FAT2: variants seen among roughly 807,000 people sequenced by gnomAD.
FAT2 encodes FAT atypical cadherin 2.
Under a neutral mutation model 295.3 loss-of-function variants are expected in FAT2, and 150 were observed. The ratio of observed to expected loss-of-function variants is 0.51; its 90% CI spans 0.44 to 0.58. The LOEUF (loss-of-function observed/expected upper bound fraction) is 0.58. Among genes scored for constraint, FAT2 ranks in the 20% least tolerant of loss-of-function variants. The probability of loss-of-function intolerance (pLI) is 0.00; values close to 1 mark genes in which losing one functional copy is unlikely to be tolerated. For missense variants in FAT2, 4,868 were observed against 5,442.7 expected (o/e 0.89, Z 3.32); for synonymous variants, 2,026 against 2,150.3 (o/e 0.94, Z 1.60).
chr5:151,551,464 A>G lies in FAT2; in HGVS notation c.4296+3T>C, dbSNP rs1757207800. On this transcript the variant is annotated splice_donor_region_variant and intron_variant, in intron 7 of 23. Transcript: ENST00000261800. ...ACAGGGGTCCCCAGCCGAGGCCTCT[A>G]ACCTGTGTGGCAATGGTGCGGGACC... 6.2e-7 allele frequency: 1 copy of G among 1,613,960 alleles called. No individual in the cohort carries two copies. The highest frequency in any genetic ancestry group is 8.5e-7 in the Non-Finnish European group (1 of 1,179,970).
At chr5:151,554,212 C>A (rs939127486) in intron 5 of FAT2, 150 bp downstream of exon 5, 1 of 713,726 alleles carries the variant, frequency 1.4e-6, no homozygotes, top group Non-Finnish European at 2.3e-6. Flanking sequence ...TTGGCTGAAG[C>A]TGAGACTCCC....
chr5:151,568,971 CAG>C lies in FAT2; in HGVS notation c.-20-22_-20-21del. The C allele has an allele frequency of 6.4e-7, 1 of 1,552,236 alleles. No individual in the cohort carries two copies. The stretch of plus-strand genomic sequence containing the variant: ...GAAACCCTGGGCAGAAAATAAAAGA[CAG>C]GGTGCAAGTTAGGGGGAAAAAATGG... On this transcript the variant is annotated intron_variant, in intron 1 of 23. Transcript: ENST00000261800.
At chr5:151,575,756 C>A (rs1758722031) in intron 1 of FAT2, among the ~76,000 whole-genome samples, 1 of 152,134 alleles carries the variant, frequency 6.6e-6, no homozygotes, top group Non-Finnish European at 1.5e-5. Context: ...TCCCAGAGGC[C>A]TGGAGTAGCT....
rs1232545836 is a variant in FAT2 at position 151,554,123 on chromosome 5, CCTT to C, written c.3945+236_3945+238del. On this transcript the variant is annotated intron_variant, in intron 5 of 23. Coordinates refer to ENST00000261800, the MANE Select transcript of FAT2 (RefSeq NM_001447.3). ...AAAGCCCCTGTTACTCTCACTAAAT[CCTT>C]CTCTCTAAGAATAGAGGGGATTTCC... is the stretch of plus-strand genomic sequence containing the variant. 9.2e-5 allele frequency among the ~76,000 whole-genome samples: 14 copies of C among 152,322 alleles called. No homozygotes were observed. In the East Asian group the frequency reaches 2.5e-3, roughly 27 times the overall value.
At chr5:151,558,610 A>G (rs902847407) in intron 3 of FAT2, among the ~76,000 whole-genome samples, 1 of 143,100 alleles carries the variant, frequency 7.0e-6, no homozygotes, top group Non-Finnish European at 1.5e-5. Context: ...AGACTCCTTT[A>G]AAAAAAAAAA....
At chr5:151,517,855 C>A in intron 19 of FAT2, 90 bp from the exon 20 acceptor site, 1 of 1,466,430 alleles carries the variant, frequency 6.8e-7, no homozygotes, top group Non-Finnish European at 9.4e-7. Context: ...CCTTGGGTGG[C>A]AGACAGAATC....
intron 1 of FAT2, among the ~76,000 whole-genome samples, chr5:151,590,167 T>A (rs1759342654): frequency 6.6e-6 from 1 of 152,202 alleles, no homozygotes; most frequent in South Asian, 2.1e-4. Flanking sequence ...TAACTCTTAG[T>A]AGCAAGGCAT....
Position 151,540,547 on chromosome 5 carries a change from A to G in FAT2, c.9039+20T>C, listed in dbSNP as rs2288777. On this transcript the variant is annotated intron_variant, in intron 11 of 23. Transcript: ENST00000261800. ...CTTCCTTGCCTTCACTACCCACTCC[A>G]CCCCTCGCCAGGCTCTCACCTGTGA... The G allele has an allele frequency of 0.077, 122,079 of 1,590,006 alleles. 5,236 individuals carry two copies. Among genetic ancestry groups the G allele is most frequent in the African/African-American group, 0.16 (11,842 of 73,194 alleles).
At chr5:151,508,843 G>C (rs1761096575) in intron 22 of FAT2, among the ~76,000 whole-genome samples, 1 of 152,124 alleles carries the variant, frequency 6.6e-6, no homozygotes, top group Non-Finnish European at 1.5e-5. Flanking sequence ...TTATACACAG[G>C]CTAATAGCAA....
chr5:151,571,309 C>A (rs10060662), intron 1 of FAT2, among the ~76,000 whole-genome samples: 17 of 151,746 alleles, frequency 1.1e-4, no homozygotes, highest in Admixed American at 9.2e-4. Context: ...AGTTGAAACC[C>A]CAAGGGAAAG....
chr5:151,539,801 C>T (rs1755914054), intron 11 of FAT2, among the ~76,000 whole-genome samples: 1 of 152,232 alleles, frequency 6.6e-6, no homozygotes, highest in Non-Finnish European at 1.5e-5. Flanking sequence ...GACAAACACA[C>T]ATACACACCC....
Position 151,542,793 on chromosome 5 carries a change from C to T in FAT2, c.8334G>A (p.Val2778=). ...MAHCLQNTDV[V]SLVSVNIQVG... ...CTTGGATGTTGACAGAGACCAAGGA[C>T]ACCACATCAGTGTTCTGAAGGCAAT... Residue 2778 remains valine (V), a synonymous_variant, in exon 10 of 24, where the codon GTG becomes GTA. Coordinates refer to ENST00000261800, the MANE Select transcript of FAT2 (RefSeq NM_001447.3). The T allele has an allele frequency of 1.2e-6, 2 of 1,614,208 alleles. No homozygotes were observed. Among genetic ancestry groups the T allele is most frequent in the South Asian group, 1.1e-5 (1 of 91,084 alleles).
intron 17 of FAT2, among the ~76,000 whole-genome samples, chr5:151,526,371 C>A (rs1040154398): frequency 9.2e-5 from 14 of 152,220 alleles, no homozygotes; most frequent in African/African-American, 3.4e-4. Context: ...TAAATGATTT[C>A]TTCCTTAGAG....
At chr5:151,593,713 A>G (rs1581488831), upstream of FAT2, among the ~76,000 whole-genome samples, 1 of 152,198 alleles carries the variant, frequency 6.6e-6, no homozygotes, top group Non-Finnish European at 1.5e-5. Context: ...AGTAATAATA[A>G]TAATAATAGG....
intron 20 of FAT2, among the ~76,000 whole-genome samples, chr5:151,514,497 T>G (rs1407643563): frequency 1.3e-5 from 2 of 152,234 alleles, no homozygotes; most frequent in African/African-American, 4.8e-5. Context: ...CTCCACCTGC[T>G]CTATACAGAC....
In FAT2 at chr5:151,540,708, A is replaced by G. The variant is rs2127602692; in HGVS notation, c.8898T>C (p.Ile2966=). 2 of 1,614,152 alleles carry G rather than the reference A, an allele frequency of 1.2e-6. No individual in the cohort carries two copies. The highest frequency in any genetic ancestry group is 4.5e-5 in the East Asian group (2 of 44,882). ...CGCGGTCCAGGGTCTTCCTTGAGGA[A>G]ATCCTCCACTCATCTCCAACTTGGC... The part of the protein sequence containing the change: ...GISQVGDEWR[I]SSRKTLDREH... Residue 2966 remains isoleucine, a synonymous_variant, in exon 11 of 24, where the codon ATT becomes ATC. Transcript: ENST00000261800.
chr5:151,518,371 A>ATTATTATT (rs58882221), intron 19 of FAT2, among the ~76,000 whole-genome samples: 12 of 131,134 alleles, frequency 9.2e-5, no homozygotes, highest in South Asian at 5.0e-4. Flanking sequence ...TAATAATAAT[A>ATTATTATT]ATAATTTTTA....
Position 151,512,488 on chromosome 5 carries a change from T to C in FAT2, c.11582A>G (p.Asp3861Gly), listed in dbSNP as rs781458716. 9.3e-6 allele frequency: 15 copies of C among 1,613,966 alleles called. No homozygotes were observed. The highest frequency in any genetic ancestry group is 1.2e-5 in the Non-Finnish European group (14 of 1,180,016). Residue 3861 changes from aspartate (D) to glycine (G), a missense_variant, in exon 21 of 24, where the codon GAC becomes GGC. Coordinates refer to ENST00000261800, the MANE Select transcript of FAT2 (RefSeq NM_001447.3). The surrounding 1 kb of genome is among the most constrained non-coding windows in gnomAD (Gnocchi z 4.1). ...GTCAACCATCAGGCGAATGGAAGCG[T>C]CCATCTCCTCCACCAGGATGGAGTG... is the stretch of plus-strand genomic sequence containing the variant. ...EWHSILVEEMDASIRLMVDSM... is the reference protein window; with the variant it reads ...EWHSILVEEMGASIRLMVDSM...
intron 12 of FAT2, among the ~76,000 whole-genome samples, chr5:151,536,402 C>T (rs1229930382): frequency 6.6e-6 from 1 of 152,160 alleles, no homozygotes; most frequent in Non-Finnish European, 1.5e-5. Flanking sequence ...CCCTGCCACC[C>T]CCTGCTCAGG....
Sources: gnomAD v4.1 joint callset for allele counts (sites outside exome capture counted in the v4.1 genomes callset) on GRCh38, gnomAD v4.1.1 for gene constraint, Gnocchi (gnomAD v3.1) non-coding constraint, MANE v1.5 for transcripts, NCBI Gene and HGNC (gene_info 2026-07-23, HGNC 2026-07-21) for gene names.